The following CSMD1 variants were observed in gnomAD, a reference collection of about 807,000 sequenced individuals.
The protein encoded by CSMD1 is CUB and sushi domain-containing protein 1.
In CSMD1, 213 loss-of-function variants were observed where a neutral mutation model predicts 417.5. The ratio of observed to expected loss-of-function variants is 0.51; its 90% CI spans 0.46 to 0.57. CSMD1 has a LOEUF of 0.57. CSMD1 is among the 20% of genes least tolerant of loss of function. The pLI is 0.00. For missense variants in CSMD1, 6,923 were observed against 4,529.7 expected, an observed-to-expected ratio of 1.53 and a Z score of -15.17; for synonymous variants, 2,862 against 1,736.8, an observed-to-expected ratio of 1.65 and a Z score of -16.11.
chr8:4,092,177 A>G (rs1038843231), intron 3 of CSMD1, among the ~76,000 whole-genome samples: 1 of 152,222 alleles, frequency 6.6e-6, no homozygotes, highest in African/African-American at 2.4e-5. Context: ...CAATTTCAAA[A>G]TCCATTGAAA....
At chr8:4,132,318 G>A (rs1040935911) in intron 3 of CSMD1, among the ~76,000 whole-genome samples, 2 of 150,740 alleles carry the variant, frequency 1.3e-5, no homozygotes, top group South Asian at 2.1e-4. Context: ...GACTGAGCAA[G>A]ACACAAAGGA....
At chr8:4,911,742 T>C (rs1480194310) in intron 1 of CSMD1, among the ~76,000 whole-genome samples, 1 of 152,134 alleles carries the variant, frequency 6.6e-6, no homozygotes, top group African/African-American at 2.4e-5. Context: ...GACTGGTAAA[T>C]CACGTTGGTT....
At chr8:3,040,453 T>C (rs1419733996) in intron 50 of CSMD1, among the ~76,000 whole-genome samples, 1 of 145,694 alleles carries the variant, frequency 6.9e-6, no homozygotes, top group African/African-American at 2.6e-5. Context: ...TGATTACAAA[T>C]TGAAATCTAT....
At chr8:3,410,810 C>G (rs1444627506) in intron 12 of CSMD1, among the ~76,000 whole-genome samples, 2 of 152,068 alleles carry the variant, frequency 1.3e-5, no homozygotes, top group Non-Finnish European at 2.9e-5. Context: ...GTGATCATAG[C>G]TCACTGCAAC....
chr8:4,603,387 TA>T (rs2130770616), intron 2 of CSMD1, among the ~76,000 whole-genome samples: 1 of 152,222 alleles, frequency 6.6e-6, no homozygotes, highest in African/African-American at 2.4e-5. Context: ...TAAACCCACT[TA>T]AAAATGTGGT....
At chr8:4,932,249 C>A (rs1365473173) in intron 1 of CSMD1, among the ~76,000 whole-genome samples, 1 of 48,590 alleles carries the variant, frequency 2.1e-5, no homozygotes, top group Non-Finnish European at 4.4e-5. Flanking sequence ...AATATAACTT[C>A]TCTGGTTTTA....
At chr8:3,530,862 CTA>C (rs1373773068) in intron 10 of CSMD1, among the ~76,000 whole-genome samples, 2 of 113,540 alleles carry the variant, frequency 1.8e-5, no homozygotes, top group East Asian at 5.8e-4. Flanking sequence ...CTCCTTTTTC[CTA>C]TTTTTTTTTT....
At chr8:4,123,135 T>C (rs1017237423) in intron 3 of CSMD1, among the ~76,000 whole-genome samples, 4 of 152,206 alleles carry the variant, frequency 2.6e-5, no homozygotes, top group Non-Finnish European at 5.9e-5. Context: ...AATAGGAAGA[T>C]GAAGAATATT....
chr8:4,646,029 G>T (rs1167898565), intron 1 of CSMD1, among the ~76,000 whole-genome samples: 1 of 152,206 alleles, frequency 6.6e-6, no homozygotes, highest in South Asian at 2.1e-4. Context: ...ATCTCACATC[G>T]ATGTTTTGGA....
rs558669502 is a variant in CSMD1, at chr8:3,844,710, C to T, written c.819-90668G>A. On this transcript the variant is annotated intron_variant, in intron 5 of 69. Transcript: ENST00000635120. ...AACTGCAGCCTCACTAGTTTTATTTCTGATAAACTGAAATACAGATCTTCC... is the reference window on the plus strand; with the variant it reads ...AACTGCAGCCTCACTAGTTTTATTTTTGATAAACTGAAATACAGATCTTCC... Among the ~76,000 whole-genome samples the T allele has an allele frequency of 2.8e-4, 43 of 152,248 alleles. No individual in the cohort carries two copies. The South Asian group carries it at 8.3e-3, about 29-fold the overall frequency.
At chr8:3,272,771 A>C (rs991778563) in intron 26 of CSMD1, among the ~76,000 whole-genome samples, 2 of 149,450 alleles carry the variant, frequency 1.3e-5, no homozygotes, top group African/African-American at 5.0e-5. Flanking sequence ...TGATTTTTGT[A>C]CATTGATTTT....
intron 1 of CSMD1, among the ~76,000 whole-genome samples, chr8:4,882,010 C>T (rs904902473): frequency 4.2e-4 from 64 of 152,038 alleles, no homozygotes; most frequent in African/African-American, 1.4e-3. Context: ...TCAGCCCTTC[C>T]AACACTTATT....
chr8:4,170,748 T>G (rs1361397731), intron 3 of CSMD1, among the ~76,000 whole-genome samples: 1 of 151,810 alleles, frequency 6.6e-6, no homozygotes, highest in African/African-American at 2.4e-5. Context: ...TAATACTGTT[T>G]AGAAAAAGGT....
intron 2 of CSMD1, among the ~76,000 whole-genome samples, chr8:4,443,376 T>A (rs941850934): frequency 2.0e-5 from 3 of 152,186 alleles, no homozygotes; most frequent in Admixed American, 6.5e-5. Context: ...ACGGCTTTGA[T>A]AACAAAGGCA....
intron 6 of CSMD1, among the ~76,000 whole-genome samples, chr8:3,743,696 A>G (rs570963638): frequency 2.0e-5 from 3 of 152,230 alleles, no homozygotes; most frequent in South Asian, 2.1e-4. Context: ...ATTTTTTCCC[A>G]TAAAGACATT....
intron 40 of CSMD1, 127 bp from the exon 41 acceptor site, chr8:3,142,801 G>T: frequency 2.4e-6 from 2 of 820,758 alleles, no homozygotes; most frequent in Middle Eastern, 3.6e-4. Context: ...GAACCATGCC[G>T]TGGAGGACGG....
chr8:4,749,364 C>A (rs1811160447), intron 1 of CSMD1, among the ~76,000 whole-genome samples: 1 of 152,198 alleles, frequency 6.6e-6, no homozygotes, highest in African/African-American at 2.4e-5. Flanking sequence ...AAATGTTCAG[C>A]ATAGTTGCTA....
chr8:4,152,680 A>T (rs1256771873), intron 3 of CSMD1, among the ~76,000 whole-genome samples: 3 of 151,970 alleles, frequency 2.0e-5, no homozygotes, highest in African/African-American at 7.3e-5. Flanking sequence ...ACAGAGCGAG[A>T]CCTTGTCTCA....
chr8:3,517,280 G>A (rs576094467), intron 10 of CSMD1, among the ~76,000 whole-genome samples: 4 of 152,134 alleles, frequency 2.6e-5, no homozygotes, highest in Admixed American at 6.6e-5. Context: ...TGAATCACAA[G>A]AGAACAAAAG....
Sources: allele counts gnomAD v4.1 joint callset (sites outside exome capture counted in the v4.1 genomes callset), GRCh38; gene constraint gnomAD v4.1.1; transcripts MANE v1.5; gene names NCBI Gene and HGNC (gene_info 2026-07-23, HGNC 2026-07-21).